PCDH11Y: variants seen among roughly 807,000 people sequenced by gnomAD.
The protein encoded by PCDH11Y is protocadherin-11 Y-linked.
For missense variants in PCDH11Y, 12 were observed against 224.8 expected (o/e 0.05, Z 6.05); for synonymous variants, 9 against 83.6 (o/e 0.11, Z 4.87).
intron 2 of PCDH11Y, among the ~76,000 whole-genome samples, chrY:5,130,715 C>T (rs2124641140): frequency 3.2e-5 from 1 of 30,966 alleles, no homozygotes; most frequent in East Asian, 8.5e-4. Flanking sequence ...AACCCTGTCT[C>T]GATTAAAAAT....
intron 2 of PCDH11Y, among the ~76,000 whole-genome samples, chrY:5,160,655 A>G (rs2052873924): frequency 3.2e-5 from 1 of 31,358 alleles, no homozygotes; most frequent in African/African-American, 1.2e-4. Flanking sequence ...ATATAATGAG[A>G]AGGAGGACAA....
intron 2 of PCDH11Y, among the ~76,000 whole-genome samples, chrY:5,253,561 A>G: frequency 3.2e-5 from 1 of 30,996 alleles, no homozygotes; most frequent in Non-Finnish European, 7.8e-5. Flanking sequence ...TGGTTTTGCC[A>G]TTTTCTTGTC....
At chrY:5,460,880 C>G in intron 2 of PCDH11Y, among the ~76,000 whole-genome samples, 7 of 33,192 alleles carry the variant, frequency 2.1e-4, no homozygotes, top group Non-Finnish European at 4.5e-4. Flanking sequence ...ATGGTGGCAG[C>G]CATAGATATT....
chrY:5,690,723 T>C, intron 4 of PCDH11Y, among the ~76,000 whole-genome samples: 1 of 29,269 alleles, frequency 3.4e-5, no homozygotes, highest in Non-Finnish European at 8.1e-5. Flanking sequence ...TAACTCAAAA[T>C]TGTATGCAAA....
intron 2 of PCDH11Y, among the ~76,000 whole-genome samples, chrY:5,345,260 T>C (rs2124669583): frequency 3.0e-5 from 1 of 33,748 alleles, no homozygotes; most frequent in South Asian, 6.7e-4. Context: ...ATGACTGCAA[T>C]AGTAGTTGAC....
At chrY:5,327,546 C>T (rs2053123726) in intron 2 of PCDH11Y, among the ~76,000 whole-genome samples, 1 of 32,625 alleles carries the variant, frequency 3.1e-5, no homozygotes, top group South Asian at 6.8e-4. Context: ...TGCCGTTGAG[C>T]GGGGTAAGGG....
intron 2 of PCDH11Y, among the ~76,000 whole-genome samples, chrY:5,307,065 G>T: frequency 3.1e-5 from 1 of 32,717 alleles, no homozygotes; most frequent in Non-Finnish European, 7.5e-5. Context: ...GATAAGATGG[G>T]ATAGTTGTAT....
At chrY:5,724,369 A>C in intron 4 of PCDH11Y, among the ~76,000 whole-genome samples, 2 of 34,117 alleles carry the variant, frequency 5.9e-5, no homozygotes, top group African/African-American at 1.1e-4. Context: ...AATTGGTTAA[A>C]GAAGAAACAA....
At chrY:5,448,279 T>G in intron 2 of PCDH11Y, among the ~76,000 whole-genome samples, 1 of 33,781 alleles carries the variant, frequency 3.0e-5, no homozygotes, top group East Asian at 7.8e-4. Flanking sequence ...AGGTATGTCA[T>G]GAATACATAA....
intron 2 of PCDH11Y, among the ~76,000 whole-genome samples, chrY:5,318,233 A>G: frequency 3.0e-5 from 1 of 33,099 alleles, no homozygotes; most frequent in Non-Finnish European, 7.4e-5. Flanking sequence ...TCATCTATGC[A>G]TGCTCAGCCC....
chrY:5,350,075 G>C, intron 2 of PCDH11Y, among the ~76,000 whole-genome samples: 1 of 32,365 alleles, frequency 3.1e-5, no homozygotes, highest in Admixed American at 2.9e-4. Context: ...TTATGTAACA[G>C]TAGACAATAG....
chrY:5,367,899 C>T, intron 2 of PCDH11Y, among the ~76,000 whole-genome samples: 1 of 31,051 alleles, frequency 3.2e-5, no homozygotes, highest in Non-Finnish European at 7.8e-5. Flanking sequence ...CACGGTGGCT[C>T]ACGCCTGTAA....
intron 2 of PCDH11Y, among the ~76,000 whole-genome samples, chrY:5,400,168 C>T (rs2053231432): frequency 5.9e-5 from 2 of 34,032 alleles, no homozygotes; most frequent in Non-Finnish European, 1.5e-4. Flanking sequence ...AGGGATGGGC[C>T]GAAACAAAGG....
chrY:5,386,433 G>C, intron 2 of PCDH11Y, among the ~76,000 whole-genome samples: 1 of 32,505 alleles, frequency 3.1e-5, no homozygotes, highest in Non-Finnish European at 7.5e-5. Flanking sequence ...TCCTCAATTA[G>C]TCCCCCAAAT....
intron 2 of PCDH11Y, among the ~76,000 whole-genome samples, chrY:5,381,919 A>C: frequency 3.0e-5 from 1 of 33,601 alleles, no homozygotes; most frequent in African/African-American, 1.2e-4. Flanking sequence ...CATAAGAGAG[A>C]TTTGAATACA....
intron 2 of PCDH11Y, among the ~76,000 whole-genome samples, chrY:5,429,399 A>C: frequency 2.9e-5 from 1 of 34,001 alleles, no homozygotes; most frequent in African/African-American, 1.1e-4. Context: ...CCAGATCTAT[A>C]TAGCATAAAG....
intron 3 of PCDH11Y, chrY:5,037,407 A>G: frequency 1.1e-5 from 1 of 94,366 alleles, no homozygotes; most frequent in South Asian, 5.2e-5. Context: ...CGTCTCTACC[A>G]AAAATACAAA....
intron 3 of PCDH11Y, among the ~76,000 whole-genome samples, chrY:5,505,208 A>G: frequency 6.0e-5 from 2 of 33,399 alleles, no homozygotes; most frequent in African/African-American, 1.2e-4. Flanking sequence ...AGTATTGCTA[A>G]AGAGGCTCAA....
At chrY:5,403,374 G>T in intron 2 of PCDH11Y, among the ~76,000 whole-genome samples, 1 of 32,836 alleles carries the variant, frequency 3.0e-5, no homozygotes, top group Admixed American at 2.8e-4. Context: ...AATTTTTATG[G>T]TTGCTCTTTA....
Sources: allele counts gnomAD v4.1 joint callset (sites outside exome capture counted in the v4.1 genomes callset), GRCh38; gene constraint gnomAD v4.1.1; transcripts MANE v1.5; gene names NCBI Gene and HGNC (gene_info 2026-07-23, HGNC 2026-07-21).